SYN3: variants seen among roughly 807,000 people sequenced by gnomAD.
SYN3 encodes the protein synapsin-3.
Under a neutral mutation model 65.8 loss-of-function variants are expected in SYN3, and 35 were observed. The ratio of observed to expected loss-of-function variants is 0.53; its 90% CI spans 0.41 to 0.70. The LOEUF (loss-of-function observed/expected upper bound fraction) is 0.70. Among genes scored for constraint, SYN3 ranks in the 30% least tolerant of loss-of-function variants. The pLI, the probability that SYN3 is intolerant of heterozygous loss-of-function variation, is 0.00. For synonymous variants in SYN3, 270 were observed against 292.9 expected, an observed-to-expected ratio of 0.92 and a Z score of 0.80; for missense variants, 680 against 749.0, an observed-to-expected ratio of 0.91 and a Z score of 1.08.
At chr22:33,039,320 A>C (rs1011944076) in intron 1 of SYN3, among the ~76,000 whole-genome samples, 2 of 151,468 alleles carry the variant, frequency 1.3e-5, no homozygotes, top group African/African-American at 4.9e-5. Context: ...TTTAGCCTGT[A>C]TATTTTTATA....
At chr22:32,972,077 C>T (rs1034324047) in intron 3 of SYN3, among the ~76,000 whole-genome samples, 2 of 152,156 alleles carry the variant, frequency 1.3e-5, no homozygotes, top group Non-Finnish European at 2.9e-5. Context: ...ATCTGAGGCA[C>T]TTTCAAGGAG....
chr22:32,519,416 G>A (rs531766762), intron 12 of SYN3: 14 of 151,792 alleles, frequency 9.2e-5, no homozygotes, highest in Non-Finnish European at 2.1e-4. Flanking sequence ...ACTTTTCCAA[G>A]AACTTTCAAA....
At chr22:32,789,753 T>C (rs1409917057) in intron 6 of SYN3, among the ~76,000 whole-genome samples, 1 of 152,206 alleles carries the variant, frequency 6.6e-6, no homozygotes, top group African/African-American at 2.4e-5. Flanking sequence ...GAAGAGGAAA[T>C]TCAATTAGCC....
chr22:32,561,220 G>A (rs1048045652), intron 7 of SYN3, among the ~76,000 whole-genome samples: 1 of 152,162 alleles, frequency 6.6e-6, no homozygotes, highest in Non-Finnish European at 1.5e-5. Context: ...AGGGGAACTC[G>A]CTCAAGAAGG....
chr22:32,791,894 G>C (rs893100691), intron 6 of SYN3, among the ~76,000 whole-genome samples: 7 of 151,944 alleles, frequency 4.6e-5, no homozygotes, highest in African/African-American at 1.5e-4. Context: ...ATTCTCTTTT[G>C]CCTCCTTTCT....
chr22:32,713,534 G>A (rs1448982231), intron 6 of SYN3, among the ~76,000 whole-genome samples: 1 of 152,114 alleles, frequency 6.6e-6, no homozygotes, highest in African/African-American at 2.4e-5. Flanking sequence ...ATATGTCCTA[G>A]AAAACAGATA....
chr22:32,937,689 C>T (rs1192293127), intron 3 of SYN3, among the ~76,000 whole-genome samples: 1 of 152,012 alleles, frequency 6.6e-6, no homozygotes, highest in Non-Finnish European at 1.5e-5. Context: ...TTTGCCAGGC[C>T]CCACCTCCAA....
chr22:32,916,402 A>G (rs9621594), intron 4 of SYN3, among the ~76,000 whole-genome samples: 6,663 of 152,334 alleles, frequency 0.044, 168 homozygotes, highest in Middle Eastern at 0.092. Flanking sequence ...GAGGATACAG[A>G]TCCAGAAAGG....
chr22:33,049,016 G>A (rs535785363), intron 1 of SYN3, among the ~76,000 whole-genome samples: 4 of 152,198 alleles, frequency 2.6e-5, no homozygotes, highest in South Asian at 2.1e-4. Context: ...TTGCACACTG[G>A]ATAGCACAGG....
chr22:32,796,793 C>T (rs1367204939), intron 6 of SYN3, among the ~76,000 whole-genome samples: 2 of 152,160 alleles, frequency 1.3e-5, no homozygotes, highest in African/African-American at 2.4e-5. Context: ...ATGACAGTAC[C>T]TTCTCCAGGT....
intron 4 of SYN3, among the ~76,000 whole-genome samples, chr22:32,897,525 GC>G (rs2049628853): frequency 6.6e-6 from 1 of 152,326 alleles, no homozygotes; most frequent in East Asian, 1.9e-4. Flanking sequence ...TGCAGAGAAG[GC>G]AGCCGTGGAG....
chr22:33,055,319 C>T (rs1413160065), intron 1 of SYN3, among the ~76,000 whole-genome samples: 3 of 152,342 alleles, frequency 2.0e-5, no homozygotes, highest in Middle Eastern at 6.8e-3. Context: ...CGGGCCACTC[C>T]ACACAATTTG....
rs567587751 is a variant in SYN3 at position 32,614,879 on chromosome 22, A to C, written c.712-18143T>G. ...ATCCCCAGTCTTCTGCACTGGAAAA[A>C]AAACTTTATGAAGCACATACTGTGC... On this transcript the variant is annotated intron_variant, in intron 6 of 13. Transcript: ENST00000358763. Among the ~76,000 whole-genome samples, 17 of 152,258 alleles carry C rather than the reference A, an allele frequency of 1.1e-4. 1 individual carries two copies. The South Asian group carries it at 3.5e-3, about 32-fold the overall frequency.
chr22:32,534,826 A>G (rs1013136023), intron 9 of SYN3, among the ~76,000 whole-genome samples: 8 of 152,194 alleles, frequency 5.3e-5, no homozygotes, highest in Non-Finnish European at 1.0e-4. Context: ...CTCATCCACC[A>G]AAGCCTACTG....
intron 6 of SYN3, among the ~76,000 whole-genome samples, chr22:32,677,447 A>G (rs889793035): frequency 2.8e-4 from 43 of 152,328 alleles, no homozygotes; most frequent in African/African-American, 9.4e-4. Context: ...TTGTGGCTCA[A>G]TCACATCAAA....
rs148261331 is a variant in SYN3 at position 32,861,565 on chromosome 22, C to T, written c.711+3350G>A. ...CTTCTCTGTGAGGCATCTGGCCATT[C>T]GCACTCCCTGGTGTGGTCAGCCTCT... On this transcript the variant is annotated intron_variant, in intron 6 of 13. Coordinates refer to ENST00000358763, the MANE Select transcript of SYN3 (RefSeq NM_003490.4). 6.9e-4 allele frequency: 106 copies of T among 152,632 alleles called. No individual in the cohort carries two copies. The highest frequency in any genetic ancestry group is 2.3e-3 in the African/African-American group (94 of 41,572). 9.5% of individuals were successfully genotyped at this position (152,632 alleles called of 1,614,324 possible). A position where few individuals can be genotyped will look rare whatever the true frequency, so the allele number is the denominator to read the frequency against.
chr22:32,996,258 T>C (rs2052877045), intron 2 of SYN3, among the ~76,000 whole-genome samples: 2 of 152,100 alleles, frequency 1.3e-5, no homozygotes, highest in African/African-American at 4.8e-5. Context: ...AGGAAAGGCA[T>C]AAACTCTGAC....
chr22:32,815,379 C>T (rs1272748680), intron 6 of SYN3, among the ~76,000 whole-genome samples: 1 of 152,184 alleles, frequency 6.6e-6, no homozygotes, highest in Non-Finnish European at 1.5e-5. Context: ...GGTACAGCAG[C>T]TTGGTTTAAG....
In SYN3 at chr22:32,879,545, G is replaced by C. The variant is rs1465711424; in HGVS notation, c.462-10420C>G. On this transcript the variant is annotated intron_variant, in intron 4 of 13. Transcript: ENST00000358763. ...TCGAAGGGGGAAGGGAGCTCTCTCG[G>C]GGCCTCTTACTTATAAGGGCATTAA... is the stretch of plus-strand genomic sequence containing the variant. 7.9e-5 allele frequency among the ~76,000 whole-genome samples: 12 copies of C among 152,244 alleles called. No homozygotes were observed. The South Asian group carries it at 1.0e-3, about 13-fold the overall frequency.
Sources: gnomAD v4.1 joint callset for allele counts (sites outside exome capture counted in the v4.1 genomes callset) on GRCh38, gnomAD v4.1.1 for gene constraint, MANE v1.5 for transcripts, NCBI Gene and HGNC (gene_info 2026-07-23, HGNC 2026-07-21) for gene names.